The following ELF5 variants were observed in gnomAD, a reference collection of about 807,000 sequenced individuals.
ELF5 encodes the protein E74 like ETS transcription factor 5, also known as ETS-related transcription factor Elf-5.
A neutral mutation model predicts 38.2 loss-of-function variants in ELF5; 31 were observed. The observed-to-expected ratio is 0.81, with a 90% CI of 0.61 to 1.10. The LOEUF is 1.10. Ranked by LOEUF, ELF5 falls within the 50% of genes least tolerant of loss-of-function variation. ELF5 has a pLI of 0.00. For missense variants in ELF5, 300 were observed against 306.6 expected (o/e 0.98, Z 0.16); for synonymous variants, 121 against 112.5 (o/e 1.08, Z -0.48).
At chr11:34,497,421 G>A (rs1280192348) in intron 2 of ELF5, among the ~76,000 whole-genome samples, 1 of 152,178 alleles carries the variant, frequency 6.6e-6, no homozygotes, top group East Asian at 1.9e-4. Context: ...AAGTGGGTCA[G>A]GACACTTGTT....
At chr11:34,484,385 TACTATACTATACTAACTATACTGC>T (rs1436571088) in intron 4 of ELF5, among the ~76,000 whole-genome samples, 4 of 151,816 alleles carry the variant, frequency 2.6e-5, no homozygotes, top group South Asian at 2.1e-4. Context: ...TACTCTACTG[TACTATACTATACTAACTATACTGC>T]ACTATACTAT....
Position 34,491,417 on chromosome 11 carries a change from G to A in ELF5, c.356-1358C>T, listed in dbSNP as rs541411670. ...CTCAATATGGAACACTCCTGGCCTA[G>A]AGAGTGCTTGAAATCCCACCATTAA... On this transcript the variant is annotated intron_variant, in intron 3 of 6. Coordinates refer to ENST00000257832, the MANE Select transcript of ELF5 (RefSeq NM_001422.4). Among the ~76,000 whole-genome samples the A allele has an allele frequency of 7.3e-5, 11 of 150,046 alleles. No individual in the cohort carries two copies. In the East Asian group the frequency reaches 2.2e-3, roughly 30 times the overall value.
At chr11:34,511,628 A>T in intron 1 of ELF5, 1 of 1,610,230 alleles carries the variant, frequency 6.2e-7, no homozygotes, top group Non-Finnish European at 8.5e-7. Context: ...GAGCTGGCTC[A>T]CACACCAAAT....
rs1856888048 is a variant in ELF5, at chr11:34,479,800, A to G, written c.*418T>C. 6.2e-6 allele frequency: 1 copy of G among 161,912 alleles called. No individual in the cohort carries two copies. Among genetic ancestry groups the G allele is most frequent in the Non-Finnish European group, 1.3e-5 (1 of 74,576 alleles). 10.0% of individuals were successfully genotyped at this position (161,912 alleles called of 1,614,324 possible). A position where few individuals can be genotyped will look rare whatever the true frequency, so the allele number is the denominator to read the frequency against. ...TCCTACCATAACCTGCAAACTAATC[A>G]TGCTTTCCCCCACCTTTGGTGAGCT... On this transcript the variant is annotated 3_prime_UTR_variant, in exon 7 of 7. Coordinates refer to ENST00000257832, the MANE Select transcript of ELF5 (RefSeq NM_001422.4).
chr11:34,481,189 A>AT (rs1300347001), intron 5 of ELF5, among the ~76,000 whole-genome samples: 1 of 151,624 alleles, frequency 6.6e-6, no homozygotes, highest in Non-Finnish European at 1.5e-5. Context: ...TGCCTGGCTA[A>AT]TTTTTTGTAT....
chr11:34,511,434 T>C, intron 1 of ELF5: 1 of 1,429,604 alleles, frequency 7.0e-7, no homozygotes, highest in South Asian at 1.2e-5. Context: ...CCCCCAAATG[T>C]AGTCATCATT....
chr11:34,497,218 T>C (rs1176796291), intron 2 of ELF5, among the ~76,000 whole-genome samples: 1 of 152,234 alleles, frequency 6.6e-6, no homozygotes, highest in Non-Finnish European at 1.5e-5. Context: ...GGTTGTGTTG[T>C]CTGGAAATGT....
chr11:34,485,755 G>A (rs1849975556), intron 4 of ELF5, among the ~76,000 whole-genome samples: 1 of 152,178 alleles, frequency 6.6e-6, no homozygotes, highest in African/African-American at 2.4e-5. Context: ...TGCTTGGCTG[G>A]TGGTGGCAGG....
At chr11:34,500,819 G>T (rs1368175409) in intron 2 of ELF5, among the ~76,000 whole-genome samples, 1 of 152,134 alleles carries the variant, frequency 6.6e-6, no homozygotes, top group Non-Finnish European at 1.5e-5. Flanking sequence ...GCTTAGGAAA[G>T]CCCATGTGGG....
intron 2 of ELF5, among the ~76,000 whole-genome samples, chr11:34,496,442 C>T (rs1850323196): frequency 6.6e-6 from 1 of 152,246 alleles, no homozygotes; most frequent in Non-Finnish European, 1.5e-5. Context: ...GGAGGCTGCC[C>T]AGACGAGGGA....
intron 2 of ELF5, among the ~76,000 whole-genome samples, chr11:34,497,017 A>T (rs890992551): frequency 1.6e-4 from 24 of 152,216 alleles, no homozygotes; most frequent in Admixed American, 1.4e-3. Context: ...ATGGATAAGC[A>T]GAGCCTGACT....
In ELF5 at chr11:34,480,331, A is replaced by G. The variant is rs1856906280; in HGVS notation, c.672-17T>C. 6.2e-7 allele frequency: 1 copy of G among 1,602,134 alleles called. No homozygotes were observed. Among genetic ancestry groups the G allele is most frequent in the Non-Finnish European group, 8.5e-7 (1 of 1,169,590 alleles). On this transcript the variant is annotated splice_polypyrimidine_tract_variant and intron_variant, in intron 6 of 6. Coordinates refer to ENST00000257832, the MANE Select transcript of ELF5 (RefSeq NM_001422.4). ...TAGTAGTATCTGAAAAAGCAAGCAG[A>G]AGAGAAATTCTGGGAGAGCTTGCAC...
intron 2 of ELF5, among the ~76,000 whole-genome samples, chr11:34,499,478 A>G (rs1054615078): frequency 2.4e-4 from 37 of 152,194 alleles, no homozygotes; most frequent in Non-Finnish European, 1.5e-5. Context: ...TCCTGGGCTC[A>G]GGCAATCCTC....
At chr11:34,498,664 C>T (rs75995561) in intron 2 of ELF5, among the ~76,000 whole-genome samples, 2,885 of 152,198 alleles carry the variant, frequency 0.019, 95 homozygotes, top group African/African-American at 0.066. Context: ...GTGCACAGAG[C>T]AGGTAATTGA....
chr11:34,504,948 C>A (rs912125684), intron 2 of ELF5, among the ~76,000 whole-genome samples: 3 of 152,142 alleles, frequency 2.0e-5, no homozygotes, highest in Non-Finnish European at 4.4e-5. Flanking sequence ...CATATTTACA[C>A]CCTTTGGCTC....
chr11:34,480,688 T>C, intron 6 of ELF5, 84 bp downstream of exon 6: 2 of 1,474,754 alleles, frequency 1.4e-6, no homozygotes, highest in Non-Finnish European at 1.8e-6. Flanking sequence ...GTAAAAAACC[T>C]GCAAAAACAG....
At chr11:34,511,022 T>C (rs562802086) in intron 1 of ELF5, among the ~76,000 whole-genome samples, 12 of 152,252 alleles carry the variant, frequency 7.9e-5, no homozygotes, top group African/African-American at 2.4e-4. Flanking sequence ...CAAATCTCAG[T>C]TCTTCAACTA....
chr11:34,483,849 C>T (rs1278699002), intron 4 of ELF5, among the ~76,000 whole-genome samples: 5 of 121,922 alleles, frequency 4.1e-5, no homozygotes, highest in East Asian at 2.3e-4. Flanking sequence ...TTCTGTACTG[C>T]ACTATACTAA....
At position 34,510,009 on chromosome 11, in the gene ELF5, G is replaced by A. The variant is rs539007492; in HGVS notation, c.-5+3668C>T. Among the ~76,000 whole-genome samples the A allele has an allele frequency of 2.0e-5, 3 of 152,266 alleles. No homozygotes were observed. The East Asian group carries it at 5.8e-4, about 29-fold the overall frequency. ...TCATTGGGTATTAACAAAAAAAAAG[G>A]TCATTTGGTAAATTGAATGGCATTA... On this transcript the variant is annotated intron_variant, in intron 1 of 6. Transcript: ENST00000257832.
Sources: gnomAD v4.1 joint callset for allele counts (sites outside exome capture counted in the v4.1 genomes callset) on GRCh38, gnomAD v4.1.1 for gene constraint, MANE v1.5 for transcripts, NCBI Gene and HGNC (gene_info 2026-07-23, HGNC 2026-07-21) for gene names.